NIPA1: variants seen among roughly 807,000 people sequenced by gnomAD.
The protein encoded by NIPA1 is magnesium transporter NIPA1.
A neutral mutation model predicts 23.9 loss-of-function variants in NIPA1; 13 were observed. The observed-to-expected ratio is 0.54, with a 90% confidence interval of 0.35 to 0.87. NIPA1 has a LOEUF of 0.87. Among genes scored for constraint, NIPA1 ranks in the 40% least tolerant of loss-of-function variants. NIPA1 has a pLI of 0.01. For synonymous variants in NIPA1, 234 were observed against 202.9 expected (o/e 1.15, Z -1.30); for missense variants, 362 against 429.7 (o/e 0.84, Z 1.39).
chr15:22,789,646 G>A (rs1381663464), intron 1 of NIPA1, among the ~76,000 whole-genome samples: 4 of 152,166 alleles, frequency 2.6e-5, no homozygotes, highest in African/African-American at 7.2e-5. Flanking sequence ...TTACACTAGG[G>A]AACATTTCCG....
At chr15:22,803,789 C>T (rs1317651115) in intron 1 of NIPA1, among the ~76,000 whole-genome samples, 1 of 149,434 alleles carries the variant, frequency 6.7e-6, no homozygotes, top group Non-Finnish European at 1.5e-5. Context: ...ATGCCATTCT[C>T]CTGCCTCACG....
At chr15:22,786,508 C>A, upstream of NIPA1, 1 of 169,958 alleles carries the variant, frequency 5.9e-6, no homozygotes, top group Non-Finnish European at 1.2e-5. Context: ...GCGCCGGTCC[C>A]TGGCACCCCC....
At chr15:22,807,782 T>TGTGTGTGTGTGTGTGTGTGTGTGTGTGTG (rs1555372971) in intron 1 of NIPA1, among the ~76,000 whole-genome samples, 3 of 145,932 alleles carry the variant, frequency 2.1e-5, no homozygotes, top group African/African-American at 7.9e-5. Flanking sequence ...TTAAATTCAC[T>TGTGTGTGTGTGTGTGTGTGTGTGTGTGTG]TGTGTGTGTG....
intron 3 of NIPA1, among the ~76,000 whole-genome samples, chr15:22,816,906 G>T (rs1168215498): frequency 1.3e-5 from 2 of 151,742 alleles, no homozygotes; most frequent in African/African-American, 4.8e-5. Flanking sequence ...ATCTGAGGCC[G>T]GGCGTAGTGG....
At chr15:22,810,918 C>T in intron 2 of NIPA1, 122 bp downstream of exon 2, 2 of 804,814 alleles carry the variant, frequency 2.5e-6, no homozygotes, top group South Asian at 2.7e-5. Context: ...GTCGCGTGGC[C>T]TCTCCCCAGG....
At chr15:22,797,208 A>G (rs187035812) in intron 1 of NIPA1, among the ~76,000 whole-genome samples, 26 of 105,578 alleles carry the variant, frequency 2.5e-4, no homozygotes, top group African/African-American at 1.4e-3. Context: ...CCCGGCTAAT[A>G]TATTTGGGTT....
At chr15:22,813,939 A>C in intron 3 of NIPA1, 2 of 417,060 alleles carry the variant, frequency 4.8e-6, no homozygotes. Context: ...CAGATAAACA[A>C]CCTGACCTGG....
In NIPA1 at chr15:22,803,338, G is replaced by A. The variant is rs1021254375; in HGVS notation, c.179-7411G>A. 4.7e-4 allele frequency among the ~76,000 whole-genome samples: 72 copies of A among 151,808 alleles called. 2 individuals carry two copies. The highest frequency in any genetic ancestry group is 2.9e-5 in the Non-Finnish European group (2 of 67,968). On this transcript the variant is annotated intron_variant, in intron 1 of 4. Coordinates refer to ENST00000337435, the MANE Select transcript of NIPA1 (RefSeq NM_144599.5). ...CCGTATTATTGACTGGTAAGAGTGT[G>A]TGTGTGTATATGTATATATTACGTA...
chr15:22,821,844 T>C (rs1218374214), intron 4 of NIPA1, among the ~76,000 whole-genome samples: 2 of 152,336 alleles, frequency 1.3e-5, no homozygotes, highest in East Asian at 3.9e-4. Context: ...ATGGATTTCA[T>C]GGAAAACACA....
chr15:22,807,528 T>C (rs562537220), intron 1 of NIPA1, among the ~76,000 whole-genome samples: 2 of 151,754 alleles, frequency 1.3e-5, no homozygotes, highest in East Asian at 3.9e-4. Context: ...GAGGTTGCAG[T>C]GAACTGAGAG....
chr15:22,828,287 G>T lies in NIPA1; in HGVS notation c.*4048G>T, dbSNP rs535223349. The T allele has an allele frequency of 2.0e-5, 3 of 152,676 alleles. No homozygotes were observed. The highest frequency in any genetic ancestry group is 2.1e-4 in the South Asian group (1 of 4,822). 9.5% of individuals were successfully genotyped at this position (152,676 alleles called of 1,614,324 possible). On this transcript the variant is annotated 3_prime_UTR_variant, in exon 5 of 5. Coordinates refer to ENST00000337435, the MANE Select transcript of NIPA1 (RefSeq NM_144599.5). The stretch of plus-strand genomic sequence containing the variant: ...TTACTCATATTCATAGGTAGATTCT[G>T]TTAATGTGAGTTGGAAAGAAAAGAC...
chr15:22,796,725 C>T, intron 1 of NIPA1, among the ~76,000 whole-genome samples: 2 of 152,292 alleles, frequency 1.3e-5, no homozygotes, highest in Middle Eastern at 3.4e-3. Context: ...TACTCTGCAG[C>T]CAGGAGCCTG....
chr15:22,824,320 G>A lies in NIPA1; in HGVS notation c.*81G>A, dbSNP rs1895606601. The A allele has an allele frequency of 1.7e-5, 20 of 1,192,004 alleles. 1 individual carries two copies. The South Asian group carries it at 2.3e-4, about 14-fold the overall frequency. 73.8% of individuals were successfully genotyped at this position (1,192,004 alleles called of 1,614,324 possible). The stretch of plus-strand genomic sequence containing the variant: ...CGTGATTGGATGTGAAGTAGAAGAG[G>A]TCCTCGATCATGGTGTTAGAATTGA... On this transcript the variant is annotated 3_prime_UTR_variant, in exon 5 of 5. Transcript: ENST00000337435. This position sits in a 1 kb window ranked among gnomAD's most constrained non-coding sequence, Gnocchi z 4.1.
intron 1 of NIPA1, among the ~76,000 whole-genome samples, chr15:22,791,492 TTTTTTTTG>T (rs1238177035): frequency 0.014 from 1,811 of 130,256 alleles, 53 homozygotes; most frequent in African/African-American, 0.051. Context: ...TTTTTTTTTT[TTTTTTTTG>T]TGAGACGGAG....
rs1454851203 is a variant in NIPA1, at chr15:22,810,668, G to A, written c.179-81G>A. The A allele has an allele frequency of 4.8e-6, 4 of 837,186 alleles. No individual in the cohort carries two copies. In the African/African-American group the frequency reaches 5.0e-5, roughly 11 times the overall value. The allele number at this position is 837,186 out of a possible 1,614,324, so 51.9% of individuals were successfully genotyped here. ...TTCAATTTTAGTTTTCATGTCAAAA[G>A]TTTCTCGCTTGTAAACCTCTTCCTG... On this transcript the variant is annotated intron_variant, in intron 1 of 4. Coordinates refer to ENST00000337435, the MANE Select transcript of NIPA1 (RefSeq NM_144599.5).
Position 22,823,886 on chromosome 15 carries a change from GC to G in NIPA1, c.640del (p.Gln214LysfsTer108). 6.2e-7 allele frequency: 1 copy of G among 1,614,172 alleles called. No homozygotes were observed. Among genetic ancestry groups the G allele is most frequent in the Non-Finnish European group, 8.5e-7 (1 of 1,179,988 alleles). On this transcript the variant is annotated frameshift_variant, in exon 5 of 5. Transcript: ENST00000337435. LOFTEE classifies it high-confidence loss of function. ...TTCCACCAAGGGCATCGGGCTGGCGGCCCAAGACATCTTGCATAACAACCCG... is the reference window on the plus strand; with the variant it reads ...TTCCACCAAGGGCATCGGGCTGGCGGCCAAGACATCTTGCATAACAACCCG... ...VPSTKGIGLA[A>X]QDILHNNPSS...
chr15:22,811,640 C>G (rs928066367), intron 2 of NIPA1, among the ~76,000 whole-genome samples: 2 of 152,114 alleles, frequency 1.3e-5, no homozygotes, highest in African/African-American at 4.8e-5. Context: ...CTTTGTTTGT[C>G]ACATTTGTCT....
chr15:22,821,963 A>G (rs1425575583), intron 4 of NIPA1, among the ~76,000 whole-genome samples: 2 of 152,214 alleles, frequency 1.3e-5, no homozygotes, highest in African/African-American at 2.4e-5. Context: ...TCAATATGTA[A>G]ATGCTCAGGT....
chr15:22,807,592 GAAAA>G (rs927003987), intron 1 of NIPA1, among the ~76,000 whole-genome samples: 4 of 143,798 alleles, frequency 2.8e-5, no homozygotes, highest in Non-Finnish European at 3.1e-5. Flanking sequence ...GTCTCAAAAA[GAAAA>G]AAAAAATCTA....
Sources: gnomAD v4.1 joint callset for allele counts (sites outside exome capture counted in the v4.1 genomes callset) on GRCh38, gnomAD v4.1.1 for gene constraint, Gnocchi (gnomAD v3.1) non-coding constraint, MANE v1.5 for transcripts, NCBI Gene and HGNC (gene_info 2026-07-23, HGNC 2026-07-21) for gene names.